Variants in CDH17 observed in about 807,000 individuals in gnomAD.
The protein encoded by CDH17 is cadherin-17.
CDH17 carries 67 observed loss-of-function variants against 86.3 expected under a neutral mutation model. That is an observed-to-expected ratio of 0.78 (90% CI 0.64 to 0.95). The LOEUF (loss-of-function observed/expected upper bound fraction) is 0.95. Among genes scored for constraint, CDH17 ranks in the 40% least tolerant of loss-of-function variants. CDH17 has a pLI of 0.00. For missense variants in CDH17, 993 were observed against 1,017.6 expected, an observed-to-expected ratio of 0.98 and a Z score of 0.33; for synonymous variants, 367 against 366.4, an observed-to-expected ratio of 1.00 and a Z score of -0.02.
intron 7 of CDH17, among the ~76,000 whole-genome samples, 180 bp downstream of exon 7, chr8:94,173,617 T>C (rs1813310139): frequency 6.6e-6 from 1 of 152,230 alleles, no homozygotes; most frequent in Non-Finnish European, 1.5e-5. Context: ...CCAAGTTGCC[T>C]GCCCATGATG....
chr8:94,143,424 C>A (rs999388032), intron 15 of CDH17, among the ~76,000 whole-genome samples: 8 of 152,148 alleles, frequency 5.3e-5, no homozygotes, highest in Admixed American at 2.0e-4. Flanking sequence ...TTCTTAAGGA[C>A]CCTAGTATTT....
At chr8:94,198,263 C>T (rs982974638) in intron 1 of CDH17, among the ~76,000 whole-genome samples, 3 of 152,108 alleles carry the variant, frequency 2.0e-5, no homozygotes, top group South Asian at 4.1e-4. Flanking sequence ...TTCATAAATT[C>T]CTTGCATGTT....
intron 2 of CDH17, among the ~76,000 whole-genome samples, chr8:94,190,419 A>T (rs923148439): frequency 6.6e-6 from 1 of 152,062 alleles, no homozygotes; most frequent in Non-Finnish European, 1.5e-5. Context: ...CCACAACAGC[A>T]CCTCTGAAGG....
chr8:94,190,993 G>T (rs1813677555), intron 2 of CDH17, among the ~76,000 whole-genome samples: 1 of 152,178 alleles, frequency 6.6e-6, no homozygotes, highest in African/African-American at 2.4e-5. Flanking sequence ...CTGGGCCACT[G>T]CCAAGCCCTC....
intron 13 of CDH17, among the ~76,000 whole-genome samples, chr8:94,149,636 G>A (rs865832613): frequency 2.4e-4 from 37 of 152,268 alleles, no homozygotes; most frequent in African/African-American, 8.4e-4. Flanking sequence ...TGGTGAGTGT[G>A]GGGTCAGGCA....
intron 11 of CDH17, among the ~76,000 whole-genome samples, chr8:94,160,997 T>C (rs1357917009): frequency 6.6e-6 from 1 of 152,112 alleles, no homozygotes; most frequent in Non-Finnish European, 1.5e-5. Context: ...CCCCAGATTA[T>C]CTCTCTTGGC....
chr8:94,146,596 T>C (rs971225125), intron 14 of CDH17, among the ~76,000 whole-genome samples: 9 of 152,274 alleles, frequency 5.9e-5, no homozygotes, highest in East Asian at 3.9e-4. Flanking sequence ...TTCTGGAAAA[T>C]AGTAAAAGGC....
At chr8:94,183,195 T>C (rs1388339498) in intron 3 of CDH17, among the ~76,000 whole-genome samples, 1 of 152,138 alleles carries the variant, frequency 6.6e-6, no homozygotes, top group Non-Finnish European at 1.5e-5. Context: ...GTTTATCTAC[T>C]GATTCAATAC....
At chr8:94,185,700 A>T (rs1038060045) in intron 3 of CDH17, among the ~76,000 whole-genome samples, 10 of 146,584 alleles carry the variant, frequency 6.8e-5, no homozygotes, top group East Asian at 1.9e-4. Context: ...GCTTGTAATT[A>T]AAAAAAAACT....
chr8:94,210,640 T>A (rs1290743235), upstream of CDH17, among the ~76,000 whole-genome samples: 2 of 152,190 alleles, frequency 1.3e-5, no homozygotes, highest in African/African-American at 4.8e-5. Flanking sequence ...TTCAATAGAC[T>A]TGCTAATAAT....
At chr8:94,145,025 G>A (rs1381311222) in intron 15 of CDH17, among the ~76,000 whole-genome samples, 1 of 152,194 alleles carries the variant, frequency 6.6e-6, no homozygotes, top group African/African-American at 2.4e-5. Flanking sequence ...GGAGAATGCT[G>A]AGCAACTGGA....
In CDH17 at chr8:94,159,978, AT is replaced by A. The variant is rs775510940; in HGVS notation, c.1543del (p.Ile515LeufsTer25). 6.2e-7 allele frequency: 1 copy of A among 1,601,860 alleles called. No individual in the cohort carries two copies. ...AATAAATGGGCTATTTACCTTTTTA[AT>A]TATGACATATCCGGTGTTGGTATGG... ...DPHTNTGYVI[I>X]KKPLDFETAA... On this transcript the variant is annotated frameshift_variant, in exon 12 of 18. Transcript: ENST00000027335. LOFTEE classifies it high-confidence loss of function.
At chr8:94,211,452 C>T (rs940275565), upstream of CDH17, among the ~76,000 whole-genome samples, 1 of 152,160 alleles carries the variant, frequency 6.6e-6, no homozygotes, top group Non-Finnish European at 1.5e-5. Flanking sequence ...GCTGGGATTA[C>T]AGGTGCCCAC....
chr8:94,152,687 C>G (rs1812878937), intron 12 of CDH17, among the ~76,000 whole-genome samples: 1 of 151,782 alleles, frequency 6.6e-6, no homozygotes, highest in African/African-American at 2.4e-5. Context: ...TATGAGCCAC[C>G]ATGCCTGGCT....
intron 7 of CDH17, among the ~76,000 whole-genome samples, chr8:94,171,236 A>G (rs1813264269): frequency 6.6e-6 from 1 of 152,170 alleles, no homozygotes; most frequent in African/African-American, 2.4e-5. Flanking sequence ...AACCCTCTAC[A>G]GGGTTTCTGG....
intron 12 of CDH17, among the ~76,000 whole-genome samples, chr8:94,154,273 C>T (rs532399739): frequency 2.0e-5 from 3 of 152,258 alleles, no homozygotes; most frequent in East Asian, 1.9e-4. Context: ...GCTTGCACTA[C>T]GCTAATATGT....
chr8:94,131,482 T>C (rs567707865), intron 15 of CDH17, among the ~76,000 whole-genome samples: 1 of 152,236 alleles, frequency 6.6e-6, no homozygotes, highest in Non-Finnish European at 1.5e-5. Context: ...ACAAAGCTTA[T>C]CAAACACACA....
chr8:94,208,879 A>G (rs1814079041), upstream of CDH17, among the ~76,000 whole-genome samples: 1 of 152,188 alleles, frequency 6.6e-6, no homozygotes, highest in African/African-American at 2.4e-5. Context: ...AAGACTTTCC[A>G]TATTTTGTAC....
At chr8:94,128,397 T>G (rs1812343166) in intron 17 of CDH17, 57 bp from the exon 18 acceptor site, 2 of 1,078,386 alleles carry the variant, frequency 1.9e-6, no homozygotes, top group Non-Finnish European at 1.4e-6. Context: ...TACTGTCACA[T>G]TCAGTTATAA....
Sources: gnomAD v4.1 joint callset for allele counts (sites outside exome capture counted in the v4.1 genomes callset) on GRCh38, gnomAD v4.1.1 for gene constraint, MANE v1.5 for transcripts, NCBI Gene and HGNC (gene_info 2026-07-23, HGNC 2026-07-21) for gene names.